SLC27A2: variants seen among roughly 807,000 people sequenced by gnomAD.
SLC27A2 encodes the protein long-chain fatty acid transport protein 2.
A neutral mutation model predicts 60.0 loss-of-function variants in SLC27A2; 54 were observed. The observed-to-expected ratio is 0.90, with a 90% CI of 0.72 to 1.13. SLC27A2 has a LOEUF of 1.13. Among genes scored for constraint, SLC27A2 ranks in the 50% most tolerant of loss-of-function variants. The pLI is 0.00. For synonymous variants in SLC27A2, 297 were observed against 297.6 expected, an observed-to-expected ratio of 1.00 and a Z score of 0.02; for missense variants, 739 against 777.6, an observed-to-expected ratio of 0.95 and a Z score of 0.59.
chr15:50,196,901 C>T (rs11858285), intron 1 of SLC27A2, among the ~76,000 whole-genome samples: 130,048 of 152,208 alleles, frequency 0.85, 56,182 homozygotes, highest in East Asian at 0.95. Context: ...TTAATTAGCA[C>T]GGCTCCCTTC....
chr15:50,197,463 AT>A (rs1212924135), intron 1 of SLC27A2, 36 bp from the exon 2 acceptor site: 1 of 1,497,764 alleles, frequency 6.7e-7, no homozygotes, highest in East Asian at 2.3e-5. Context: ...TAATAGACTG[AT>A]TTAGTTTGTT....
Position 50,227,161 on chromosome 15 carries a change from A to G in SLC27A2, c.1440A>G (p.Arg480=), listed in dbSNP as rs2045284758. Residue 480 remains arginine (R), a synonymous_variant, in exon 7 of 10, where the codon AGA becomes AGG. Transcript: ENST00000267842. ...AAAATTTCATCTATTTCCACGACAG[A>G]GTTGGAGATACATTCCGGTTGGTTT... ...DHENFIYFHD[R]VGDTFRWKGE... The G allele has an allele frequency of 6.2e-7, 1 of 1,613,836 alleles. No homozygotes were observed.
At position 50,226,200 on chromosome 15, in the gene SLC27A2, T is replaced by C. The variant is rs959240579; in HGVS notation, c.1258+122T>C. On this transcript the variant is annotated intron_variant, in intron 6 of 9. Transcript: ENST00000267842. ...TCAGAGTGGGGAAAAGGGGGGTTTA[T>C]TTAAGTACCCTCCAATATACAGGAA... 1.3e-5 allele frequency: 8 copies of C among 629,520 alleles called. No individual in the cohort carries two copies. The Admixed American group carries it at 2.1e-4, about 16-fold the overall frequency. 39.0% of individuals were successfully genotyped at this position (629,520 alleles called of 1,614,324 possible).
chr15:50,205,501 G>A, intron 4 of SLC27A2, 138 bp downstream of exon 4: 1 of 772,140 alleles, frequency 1.3e-6, no homozygotes, highest in African/African-American at 1.8e-5. Context: ...TAAAGTACTT[G>A]GCACTATACC....
Position 50,182,556 on chromosome 15 carries a change from GCGCAGCTA to G in SLC27A2, c.132_139del (p.Ser45GlufsTer66). ...AGGTGGCCGCCGTGGGCCGGAGGGT[GCGCAGCTA>G]CGGGAAGCGGCGGCCGGCGCGCACC... On this transcript the variant is annotated frameshift_variant, in exon 1 of 10. Coordinates refer to ENST00000267842, the MANE Select transcript of SLC27A2 (RefSeq NM_003645.4). LOFTEE classifies it high-confidence loss of function. 1 of 1,613,038 alleles carries G rather than the reference GCGCAGCTA, an allele frequency of 6.2e-7. No individual in the cohort carries two copies. The highest frequency in any genetic ancestry group is 8.5e-7 in the Non-Finnish European group (1 of 1,179,460).
intron 6 of SLC27A2, 68 bp downstream of exon 6, chr15:50,226,146 A>G (rs2045277046): frequency 1.0e-6 from 1 of 970,946 alleles, no homozygotes; most frequent in Non-Finnish European, 1.6e-6. Flanking sequence ...TTTAAGGACT[A>G]ACATATTATT....
chr15:50,225,385 C>T (rs2045271852), intron 5 of SLC27A2, among the ~76,000 whole-genome samples: 1 of 152,022 alleles, frequency 6.6e-6, no homozygotes, highest in Non-Finnish European at 1.5e-5. Flanking sequence ...ATTTTATAGT[C>T]ATGGGCATGA....
At chr15:50,212,059 A>T (rs2140906710) in intron 4 of SLC27A2, among the ~76,000 whole-genome samples, 1 of 138,552 alleles carries the variant, frequency 7.2e-6, no homozygotes, top group South Asian at 2.4e-4. Flanking sequence ...AGACAGAGTG[A>T]GACTCTGTCT....
chr15:50,236,005 C>T lies in SLC27A2; in HGVS notation c.1772C>T (p.Ala591Val), dbSNP rs762095192. ...TTTAACCCTGCTGTCATCAAAGATG[C>T]CTTGTATTTCTTGGATGACACAGCA... ...EGFNPAVIKD[A>V]LYFLDDTAKM... The change falls in exon 10 of 10, where the codon GCC becomes GTC. Residue 591 changes from alanine (A) to valine (V), a missense_variant. By Grantham distance (64) the Ala-to-Val change is moderately conservative. Coordinates refer to ENST00000267842, the MANE Select transcript of SLC27A2 (RefSeq NM_003645.4). 6 of 1,613,840 alleles carry T rather than the reference C, an allele frequency of 3.7e-6. No homozygotes were observed. The highest frequency in any genetic ancestry group is 5.1e-6 in the Non-Finnish European group (6 of 1,179,854).
intron 4 of SLC27A2, among the ~76,000 whole-genome samples, chr15:50,210,354 A>C (rs2045145156): frequency 6.6e-6 from 1 of 152,222 alleles, no homozygotes; most frequent in Non-Finnish European, 1.5e-5. Context: ...GGAGACCCTC[A>C]TCTCCCGAAC....
chr15:50,193,335 G>C (rs1210729997), intron 1 of SLC27A2, among the ~76,000 whole-genome samples: 4 of 152,144 alleles, frequency 2.6e-5, no homozygotes, highest in Non-Finnish European at 4.4e-5. Flanking sequence ...TCCTCTATTA[G>C]ACCTGGGCTC....
Position 50,205,348 on chromosome 15 carries a change from A to G in SLC27A2, c.957A>G (p.Leu319=). 2 of 1,606,880 alleles carry G rather than the reference A, an allele frequency of 1.2e-6. No homozygotes were observed. Among genetic ancestry groups the G allele is most frequent in the Non-Finnish European group, 1.7e-6 (2 of 1,175,364 alleles). ...IQYIGELLRY[L]CNSPQKPNDR... is the part of the protein sequence containing the mutation. Reference sequence around the variant, plus strand: ...ATATCGGTGAACTGCTTCGGTATTTATGCAACTCACCACAGGTAACACTCC... The same window carrying G: ...ATATCGGTGAACTGCTTCGGTATTTGTGCAACTCACCACAGGTAACACTCC... Residue 319 remains leucine (L), a synonymous_variant, in exon 4 of 10, where the codon TTA becomes TTG. Coordinates refer to ENST00000267842, the MANE Select transcript of SLC27A2 (RefSeq NM_003645.4).
At chr15:50,224,296 C>T (rs951941630) in intron 5 of SLC27A2, among the ~76,000 whole-genome samples, 3 of 152,142 alleles carry the variant, frequency 2.0e-5, no homozygotes, top group Admixed American at 6.5e-5. Context: ...AAAAATTAGC[C>T]GGGCATGGTG....
intron 3 of SLC27A2, among the ~76,000 whole-genome samples, chr15:50,203,576 T>C (rs1386875130): frequency 6.6e-6 from 1 of 152,204 alleles, no homozygotes; most frequent in East Asian, 1.9e-4. Context: ...TTCTCTCATG[T>C]GGCATTTCAT....
rs1595691197 is a variant in SLC27A2, at chr15:50,223,169, T to C, written c.1167+10T>C. On this transcript the variant is annotated intron_variant, in intron 5 of 9. Transcript: ENST00000267842. ...AAACTACCTACAGAAAGTAAGTACA[T>C]TGAAAAATGAGAGCATACGTAGCCA... 2.5e-6 allele frequency: 4 copies of C among 1,598,554 alleles called. No homozygotes were observed. The highest frequency in any genetic ancestry group is 3.4e-6 in the Non-Finnish European group (4 of 1,170,098).
At chr15:50,203,809 A>G (rs1004742070) in intron 3 of SLC27A2, among the ~76,000 whole-genome samples, 2 of 152,094 alleles carry the variant, frequency 1.3e-5, no homozygotes, top group Non-Finnish European at 2.9e-5. Flanking sequence ...TAGTGCCCTT[A>G]TCAGAACAGG....
chr15:50,193,450 A>G (rs2044990601), intron 1 of SLC27A2, among the ~76,000 whole-genome samples: 1 of 152,176 alleles, frequency 6.6e-6, no homozygotes, highest in Non-Finnish European at 1.5e-5. Flanking sequence ...AAATGTTGGG[A>G]GGGAGGGAAT....
chr15:50,223,003 G>A lies in SLC27A2; in HGVS notation c.1011G>A (p.Leu337=), dbSNP rs143056378. The change falls in exon 5 of 10, where the codon CTG becomes CTA. Residue 337 remains leucine, a synonymous_variant. Coordinates refer to ENST00000267842, the MANE Select transcript of SLC27A2 (RefSeq NM_003645.4). Reference sequence around the variant, plus strand: ...GTGATCATAAAGTGAGACTGGCACTGGGAAATGGCTTACGAGGAGATGTGT... The same window carrying A: ...GTGATCATAAAGTGAGACTGGCACTAGGAAATGGCTTACGAGGAGATGTGT... ...NDRDHKVRLA[L]GNGLRGDVWR... is the part of the protein sequence containing the mutation. 3.7e-4 allele frequency: 601 copies of A among 1,613,452 alleles called. No homozygotes were observed. Among genetic ancestry groups the A allele is most frequent in the Admixed American group, 9.2e-4 (55 of 59,888 alleles).
At chr15:50,219,077 T>G (rs1219877755) in intron 4 of SLC27A2, among the ~76,000 whole-genome samples, 1 of 152,234 alleles carries the variant, frequency 6.6e-6, no homozygotes, top group Non-Finnish European at 1.5e-5. Context: ...TGTTGTATTA[T>G]GGGCAGAATA....
Sources: allele counts gnomAD v4.1 joint callset (sites outside exome capture counted in the v4.1 genomes callset), GRCh38; gene constraint gnomAD v4.1.1; transcripts MANE v1.5; gene names NCBI Gene and HGNC (gene_info 2026-07-23, HGNC 2026-07-21).